ALDH5A1: variants seen among roughly 807,000 people sequenced by gnomAD.
ALDH5A1 encodes the protein aldehyde dehydrogenase 5 family member A1.
A neutral mutation model predicts 54.7 loss-of-function variants in ALDH5A1; 33 were observed. The observed-to-expected ratio is 0.60, with a 90% CI of 0.46 to 0.81. The LOEUF is 0.81. Ranked by LOEUF, ALDH5A1 falls within the 30% of genes least tolerant of loss-of-function variation. The pLI is 0.00. For missense variants in ALDH5A1, 657 were observed against 711.0 expected (o/e 0.92, Z 0.86); for synonymous variants, 294 against 292.7 (o/e 1.00, Z -0.05).
At chr6:24,522,645 T>C (rs1435950895) in intron 6 of ALDH5A1, 122 bp from the exon 7 acceptor site, 1 of 1,214,722 alleles carries the variant, frequency 8.2e-7, no homozygotes, top group African/African-American at 1.5e-5. Context: ...AAATGGCAGT[T>C]TGAGCACATG....
intron 7 of ALDH5A1, among the ~76,000 whole-genome samples, chr6:24,526,974 G>GTATATATATATATATATA (rs58873176): frequency 3.3e-5 from 1 of 30,610 alleles, no homozygotes; most frequent in African/African-American, 9.9e-5. Flanking sequence ...ATGTGTGTGT[G>GTATATATATATATATATA]TATATATATA....
intron 9 of ALDH5A1, 24 bp from the exon 10 acceptor site, chr6:24,533,483 A>G (rs367576253): frequency 2.5e-6 from 4 of 1,611,272 alleles, no homozygotes; most frequent in African/African-American, 2.7e-5. Flanking sequence ...TAAATGCCAT[A>G]TATGTCCTTT....
At chr6:24,499,655 G>T in intron 1 of ALDH5A1, among the ~76,000 whole-genome samples, 1 of 147,196 alleles carries the variant, frequency 6.8e-6, no homozygotes, top group South Asian at 2.2e-4. Flanking sequence ...ACCACACCCA[G>T]ATAATTTCTT....
intron 5 of ALDH5A1, among the ~76,000 whole-genome samples, chr6:24,515,710 G>A (rs1257371296): frequency 1.3e-5 from 2 of 152,118 alleles, no homozygotes; most frequent in African/African-American, 4.8e-5. Context: ...TGACAGAGCA[G>A]ACTCTGTTTC....
chr6:24,525,903 A>G (rs1759789800), intron 7 of ALDH5A1, among the ~76,000 whole-genome samples: 1 of 152,136 alleles, frequency 6.6e-6, no homozygotes, highest in African/African-American at 2.4e-5. Context: ...CACCACGACC[A>G]CCACCAAGAC....
At chr6:24,523,832 A>T (rs1417843892) in intron 7 of ALDH5A1, among the ~76,000 whole-genome samples, 1 of 152,180 alleles carries the variant, frequency 6.6e-6, no homozygotes, top group African/African-American at 2.4e-5. Flanking sequence ...ATTGAGGGGA[A>T]ACTGCTTTTA....
chr6:24,507,739 T>C (rs1759386077), intron 4 of ALDH5A1, among the ~76,000 whole-genome samples: 1 of 152,202 alleles, frequency 6.6e-6, no homozygotes, highest in Admixed American at 6.5e-5. Context: ...ATTTTTAAAA[T>C]TATCTTTTAT....
Position 24,518,172 on chromosome 6 carries a change from CTCTT to C in ALDH5A1, c.871-2223_871-2220del, listed in dbSNP as rs1667404462. 6.6e-6 allele frequency among the ~76,000 whole-genome samples: 1 copy of C among 152,180 alleles called. No homozygotes were observed. The highest frequency in any genetic ancestry group is 1.5e-5 in the Non-Finnish European group (1 of 68,022). On this transcript the variant is annotated intron_variant, in intron 5 of 9. Coordinates refer to ENST00000357578, the MANE Select transcript of ALDH5A1 (RefSeq NM_001080.3). The surrounding 1 kb of genome is among the most constrained non-coding windows in gnomAD (Gnocchi z 4.2). ...GAGCTGTTTTGCTTTCTGTTTCTTT[CTCTT>C]TCTTTTGCCTATTAAACTTCTGCTC... is the stretch of plus-strand genomic sequence containing the variant.
In ALDH5A1 at chr6:24,495,026, T is replaced by TG. The variant is rs1397344379; in HGVS notation, c.34dup (p.Ala12GlyfsTer124). On this transcript the variant is annotated frameshift_variant, in exon 1 of 10. Coordinates refer to ENST00000357578, the MANE Select transcript of ALDH5A1 (RefSeq NM_001080.3). LOFTEE classifies it high-confidence loss of function. ...CGACCTGCATTTGGCTGCGGAGCTG[T>TG]GGGGCCCGGCGCCTCGGGTCGACGT... The TG allele has an allele frequency of 3.7e-5, 50 of 1,343,128 alleles. No homozygotes were observed. The highest frequency in any genetic ancestry group is 4.7e-5 in the Non-Finnish European group (49 of 1,050,580). 83.2% of individuals were successfully genotyped at this position (1,343,128 alleles called of 1,614,324 possible).
Position 24,495,158 on chromosome 6 carries a change from C to T in ALDH5A1, c.162C>T (p.Leu54=), listed in dbSNP as rs760612467. The T allele has an allele frequency of 1.0e-5, 15 of 1,450,282 alleles. No individual in the cohort carries two copies. Among genetic ancestry groups the T allele is most frequent in the South Asian group, 9.5e-5 (7 of 73,374 alleles). 89.8% of individuals were successfully genotyped at this position (1,450,282 alleles called of 1,614,324 possible). Residue 54 remains leucine (L), a synonymous_variant, in exon 1 of 10, where the codon CTC becomes CTT. Coordinates refer to ENST00000357578, the MANE Select transcript of ALDH5A1 (RefSeq NM_001080.3). ...LRCYAGRLAG[L]SAALLRTDSF... ...GCTACGCTGGGCGCCTGGCGGGCCT[C>T]TCTGCGGCGCTGCTGCGCACCGACA... is the stretch of plus-strand genomic sequence containing the variant.
At chr6:24,515,683 C>T (rs1428269098) in intron 5 of ALDH5A1, among the ~76,000 whole-genome samples, 2 of 152,172 alleles carry the variant, frequency 1.3e-5, no homozygotes, top group South Asian at 4.1e-4. Flanking sequence ...GATTGTGCCA[C>T]TGCACTCCAG....
rs1389026290 is a variant in ALDH5A1, at chr6:24,526,953, AATATATATATATGTGTGTGTGT to A, written c.1174-1031_1174-1010del. ...TACTATATATTCTATATATATATCTAATATATATATATGTGTGTGTGTATATATATATATATATATATATATA... is the reference window on the plus strand; with the variant it reads ...TACTATATATTCTATATATATATCTAATATATATATATATATATATATATA... On this transcript the variant is annotated intron_variant, in intron 7 of 9. Coordinates refer to ENST00000357578, the MANE Select transcript of ALDH5A1 (RefSeq NM_001080.3). Among the ~76,000 whole-genome samples, 67 of 106,012 alleles carry A rather than the reference AATATATATATATGTGTGTGTGT, an allele frequency of 6.3e-4. 3 individuals carry two copies. The highest frequency in any genetic ancestry group is 2.6e-3 in the African/African-American group (50 of 18,920). 69.5% of individuals were successfully genotyped at this position (106,012 alleles called of 152,430 possible). A position where few individuals can be genotyped will look rare whatever the true frequency, so the allele number is the denominator to read the frequency against.
chr6:24,497,495 T>A (rs2127380431), intron 1 of ALDH5A1, among the ~76,000 whole-genome samples: 1 of 152,276 alleles, frequency 6.6e-6, no homozygotes, highest in Non-Finnish European at 1.5e-5. Flanking sequence ...TACAATCCTC[T>A]TGCTAGCTAC....
chr6:24,519,174 A>T (rs1554137418), intron 5 of ALDH5A1, among the ~76,000 whole-genome samples: 4 of 151,986 alleles, frequency 2.6e-5, no homozygotes, highest in Non-Finnish European at 1.5e-5. Flanking sequence ...CGTTTTTTTA[A>T]TGGCAAGGAT....
chr6:24,513,273 T>C (rs539657344), intron 4 of ALDH5A1, among the ~76,000 whole-genome samples: 2 of 152,042 alleles, frequency 1.3e-5, no homozygotes, highest in South Asian at 2.1e-4. Context: ...CTATGTTGCG[T>C]AGCCTGGTAT....
At chr6:24,514,468 G>C (rs1176296112) in intron 4 of ALDH5A1, among the ~76,000 whole-genome samples, 2 of 152,172 alleles carry the variant, frequency 1.3e-5, no homozygotes, top group African/African-American at 2.4e-5. Flanking sequence ...GCCAGGCCCG[G>C]TGGCTCACAA....
intron 8 of ALDH5A1, among the ~76,000 whole-genome samples, chr6:24,531,162 C>T (rs116693048): frequency 1.3e-5 from 2 of 152,292 alleles, no homozygotes; most frequent in Non-Finnish European, 2.9e-5. Context: ...TTATCCAGGA[C>T]CAGAAATCTT....
chr6:24,516,455 A>AAC (rs59197707), intron 5 of ALDH5A1, among the ~76,000 whole-genome samples: 41,210 of 139,106 alleles, frequency 0.3, 8,218 homozygotes, highest in Non-Finnish European at 0.43. Flanking sequence ...AAAAAAAAAA[A>AAC]AAAATTAAAA....
Position 24,536,112 on chromosome 6 carries a change from G to GT in ALDH5A1, c.*2406dup, listed in dbSNP as rs1760043147. On this transcript the variant is annotated 3_prime_UTR_variant, in exon 10 of 10. Transcript: ENST00000357578. ...TTATTTTTAACTGAACGTTTTTGTT[G>GT]TTTTTTAAATAAAGTAGCCATATGT... 6.6e-6 allele frequency: 1 copy of GT among 152,084 alleles called. No homozygotes were observed. Among genetic ancestry groups the GT allele is most frequent in the Non-Finnish European group, 1.5e-5 (1 of 68,002 alleles). The allele number at this position is 152,084 out of a possible 1,614,324, so 9.4% of individuals were successfully genotyped here.
Sources: allele counts gnomAD v4.1 joint callset (sites outside exome capture counted in the v4.1 genomes callset), GRCh38; gene constraint gnomAD v4.1.1; non-coding constraint Gnocchi (gnomAD v3.1); transcripts MANE v1.5; gene names NCBI Gene and HGNC (gene_info 2026-07-23, HGNC 2026-07-21).